The following SATB1 variants were observed in gnomAD, a reference collection of about 807,000 sequenced individuals.
SATB1 encodes the protein SATB homeobox 1, also known as DNA-binding protein SATB1.
In SATB1, 11 loss-of-function variants were observed where a neutral mutation model predicts 86.9. The observed-to-expected ratio is 0.13, with a 90% CI of 0.08 to 0.21. The LOEUF (loss-of-function observed/expected upper bound fraction) is 0.21, where lower values mean the gene tolerates loss of function less well. SATB1 is among the 10% of genes least tolerant of loss of function. The probability of loss-of-function intolerance (pLI) is 1.00; values close to 1 mark genes in which losing one functional copy is unlikely to be tolerated. For missense variants in SATB1, 551 were observed against 937.6 expected, an observed-to-expected ratio of 0.59 and a Z score of 5.39; for synonymous variants, 357 against 357.2, an observed-to-expected ratio of 1.00 and a Z score of 0.01.
chr3:18,397,821 T>C (rs1697042955), intron 5 of SATB1, among the ~76,000 whole-genome samples: 1 of 152,316 alleles, frequency 6.6e-6, no homozygotes, highest in South Asian at 2.1e-4. Flanking sequence ...GGGATTCACA[T>C]GTATATTAAA....
chr3:18,426,509 T>C (rs1255474483), upstream of SATB1, among the ~76,000 whole-genome samples: 1 of 152,218 alleles, frequency 6.6e-6, no homozygotes, highest in African/African-American at 2.4e-5. This position sits in a 1 kb window ranked among gnomAD's most constrained non-coding sequence, Gnocchi z 4.2. Context: ...AGATAAATGG[T>C]CATTACCACA....
At chr3:18,351,265 A>G in intron 10 of SATB1, 4 of 1,463,380 alleles carry the variant, frequency 2.7e-6, no homozygotes, top group Non-Finnish European at 3.7e-6. Flanking sequence ...TCTTTAGGTC[A>G]CCCCCTCTCT....
intron 8 of SATB1, among the ~76,000 whole-genome samples, chr3:18,385,878 T>C (rs1290940531): frequency 6.6e-6 from 1 of 152,204 alleles, no homozygotes; most frequent in Admixed American, 6.5e-5. Flanking sequence ...GGAGTATGGA[T>C]AGAATTCCTT....
At chr3:18,442,242 T>C (rs1042830554), upstream of SATB1, among the ~76,000 whole-genome samples, 1 of 152,102 alleles carries the variant, frequency 6.6e-6, no homozygotes, top group Non-Finnish European at 1.5e-5. Context: ...CCCTATTCGT[T>C]ATTTTTTCAT....
intron 5 of SATB1, among the ~76,000 whole-genome samples, chr3:18,402,091 G>A (rs1208393704): frequency 6.6e-6 from 1 of 152,058 alleles, no homozygotes; most frequent in Non-Finnish European, 1.5e-5. Context: ...AATCGGTTAA[G>A]GTTACATAAT....
chr3:18,375,504 G>A (rs775343653), intron 9 of SATB1, among the ~76,000 whole-genome samples: 66 of 152,270 alleles, frequency 4.3e-4, no homozygotes, highest in Non-Finnish European at 5.3e-4. Context: ...GGGGACTGCT[G>A]CCTCATTTTG....
chr3:18,377,648 CTA>C (rs1052372673), intron 9 of SATB1, among the ~76,000 whole-genome samples: 2 of 151,852 alleles, frequency 1.3e-5, no homozygotes, highest in African/African-American at 4.8e-5. Context: ...ATATGCAAAG[CTA>C]TGTGTGTGTG....
At chr3:18,400,631 T>C (rs1395474478) in intron 5 of SATB1, among the ~76,000 whole-genome samples, 2 of 152,194 alleles carry the variant, frequency 1.3e-5, no homozygotes, top group African/African-American at 2.4e-5. Flanking sequence ...CAGGAAATAA[T>C]AGATGTGATA....
At chr3:18,385,389 G>A (rs1349189921) in intron 8 of SATB1, among the ~76,000 whole-genome samples, 3 of 152,096 alleles carry the variant, frequency 2.0e-5, no homozygotes, top group Non-Finnish European at 2.9e-5. Context: ...TTGGGAGGCC[G>A]AGGTGGGAGG....
intron 7 of SATB1, among the ~76,000 whole-genome samples, chr3:18,389,745 T>A (rs971815451): frequency 6.6e-6 from 1 of 152,144 alleles, no homozygotes; most frequent in Non-Finnish European, 1.5e-5. Context: ...CTCAATAAAT[T>A]TGTTGAATTA....
At chr3:18,436,506 CAAAA>C (rs71055011) in intron 2 of SATB1, among the ~76,000 whole-genome samples, 3 of 113,846 alleles carry the variant, frequency 2.6e-5, no homozygotes, top group African/African-American at 3.3e-5. Context: ...CAGGTGCTAC[CAAAA>C]AAAAAAAAAA....
At chr3:18,399,653 C>T (rs1697149157) in intron 5 of SATB1, among the ~76,000 whole-genome samples, 1 of 152,122 alleles carries the variant, frequency 6.6e-6, no homozygotes, top group South Asian at 2.1e-4. Context: ...GGCTTAAGTG[C>T]TTTTCTGTCA....
At chr3:18,391,084 T>C (rs183771691) in intron 7 of SATB1, among the ~76,000 whole-genome samples, 1 of 152,000 alleles carries the variant, frequency 6.6e-6, no homozygotes, top group Non-Finnish European at 1.5e-5. Flanking sequence ...AGTAACTATA[T>C]AAGTTTACCA....
At chr3:18,392,607 A>G (rs9284842) in intron 7 of SATB1, among the ~76,000 whole-genome samples, 92,205 of 151,334 alleles carry the variant, frequency 0.61, 28,645 homozygotes, top group East Asian at 0.92. Flanking sequence ...ATATATATAC[A>G]TATATATATA....
chr3:18,390,294 T>G (rs1696586462), intron 7 of SATB1, among the ~76,000 whole-genome samples: 2 of 152,142 alleles, frequency 1.3e-5, no homozygotes, highest in Non-Finnish European at 2.9e-5. Flanking sequence ...AAAATATGAT[T>G]TGATGAAACC....
intron 10 of SATB1, chr3:18,351,150 T>C: frequency 1.5e-6 from 1 of 660,754 alleles, no homozygotes; most frequent in South Asian, 1.6e-5. Context: ...TCCCATGACA[T>C]GACAAACAAA....
In SATB1 at chr3:18,386,427, A is replaced by G. The variant is rs767227055; in HGVS notation, c.1391T>C (p.Ile464Thr). The part of the protein sequence containing the change: ...AASAMGPAPL[I>T]STPPSRPPQV... ...GGGAGGACGGCTGGGTGGTGTGCTG[A>G]TGAGGGGGGCAGGACCCATGGCCGA... The change falls in exon 8 of 11, where the codon ATC becomes ACC. Residue 464 changes from isoleucine to threonine, a missense_variant. Ile to Thr is a moderately conservative substitution (Grantham distance 89). Transcript: ENST00000338745. This position sits in a 1 kb window ranked among gnomAD's most constrained non-coding sequence, Gnocchi z 4.5. 1 of 1,613,796 alleles carries G rather than the reference A, an allele frequency of 6.2e-7. No individual in the cohort carries two copies. Among genetic ancestry groups the G allele is most frequent in the Non-Finnish European group, 8.5e-7 (1 of 1,179,978 alleles).
intron 7 of SATB1, among the ~76,000 whole-genome samples, chr3:18,392,166 T>A (rs964579406): frequency 1.3e-5 from 2 of 152,180 alleles, no homozygotes; most frequent in Non-Finnish European, 2.9e-5. Flanking sequence ...AATCAAGCTA[T>A]ACAAGGTAAA....
At chr3:18,420,634 G>C (rs977803749) in intron 2 of SATB1, 123 bp downstream of exon 2, 20 of 760,588 alleles carry the variant, frequency 2.6e-5, no homozygotes, top group Non-Finnish European at 2.3e-5. Flanking sequence ...ACTAATGTAC[G>C]ATCATAAGGA....
Sources: allele counts gnomAD v4.1 joint callset (sites outside exome capture counted in the v4.1 genomes callset), GRCh38; gene constraint gnomAD v4.1.1; non-coding constraint Gnocchi (gnomAD v3.1); transcripts MANE v1.5; gene names NCBI Gene and HGNC (gene_info 2026-07-23, HGNC 2026-07-21).